PIK3C2G: variants seen among roughly 807,000 people sequenced by gnomAD.
PIK3C2G encodes phosphatidylinositol 3-kinase C2 domain-containing subunit gamma.
In PIK3C2G, 168 loss-of-function variants were observed where a neutral mutation model predicts 181.1. That is an observed-to-expected ratio of 0.93 (90% CI 0.82 to 1.05). The LOEUF is 1.05. PIK3C2G is among the 50% of genes least tolerant of loss of function. The pLI is 0.00. For synonymous variants in PIK3C2G, 573 were observed against 592.2 expected, an observed-to-expected ratio of 0.97 and a Z score of 0.47; for missense variants, 1,869 against 1,732.8, an observed-to-expected ratio of 1.08 and a Z score of -1.40.
At chr12:18,454,021 G>A (rs560569520) in intron 18 of PIK3C2G, among the ~76,000 whole-genome samples, 48 of 152,170 alleles carry the variant, frequency 3.2e-4, no homozygotes, top group Non-Finnish European at 5.6e-4. Context: ...TCTGATACAC[G>A]TCTTCTTTTC....
chr12:18,549,294 A>C (rs1944604884), intron 26 of PIK3C2G, among the ~76,000 whole-genome samples: 1 of 152,086 alleles, frequency 6.6e-6, no homozygotes, highest in South Asian at 2.1e-4. Flanking sequence ...TGTATTCCCA[A>C]TTCTAAGAAT....
chr12:18,286,475 C>T (rs1450517401), intron 2 of PIK3C2G, among the ~76,000 whole-genome samples: 1 of 151,918 alleles, frequency 6.6e-6, no homozygotes, highest in Admixed American at 6.6e-5. Flanking sequence ...ACATGTGTAT[C>T]ATTACATAGA....
intron 5 of PIK3C2G, among the ~76,000 whole-genome samples, chr12:18,312,447 T>C (rs538516582): frequency 3.5e-4 from 54 of 152,116 alleles, no homozygotes; most frequent in South Asian, 1.2e-3. Context: ...TCACCTCCCA[T>C]AGCAGGAACA....
downstream of PIK3C2G, among the ~76,000 whole-genome samples, chr12:18,651,516 TG>T (rs1950517248): frequency 6.6e-6 from 1 of 152,206 alleles, no homozygotes; most frequent in Non-Finnish European, 1.5e-5. Context: ...TTTAGTTCAC[TG>T]ACAGTAGAGA....
chr12:18,684,852 G>A, the PIK3C2G span, among the ~76,000 whole-genome samples: 2 of 151,936 alleles, frequency 1.3e-5, no homozygotes, highest in Non-Finnish European at 2.9e-5. Context: ...ATTATAGGGG[G>A]CTGTTCTCAT....
chr12:18,574,123 A>T (rs1330598111), intron 29 of PIK3C2G, among the ~76,000 whole-genome samples: 1 of 152,224 alleles, frequency 6.6e-6, no homozygotes, highest in Non-Finnish European at 1.5e-5. Context: ...CTTATTTGAG[A>T]TGAATGCTAC....
chr12:18,702,818 C>CT, the PIK3C2G span, among the ~76,000 whole-genome samples: 84,559 of 116,096 alleles, frequency 0.73, 32,838 homozygotes, highest in South Asian at 0.89. Context: ...GATAAAGTAA[C>CT]TTTTTTTTTT....
At chr12:18,679,765 G>A in the PIK3C2G span, among the ~76,000 whole-genome samples, 1 of 151,962 alleles carries the variant, frequency 6.6e-6, no homozygotes, top group African/African-American at 2.4e-5. Context: ...AAGTGTGAAA[G>A]TTAAATTATG....
intron 29 of PIK3C2G, among the ~76,000 whole-genome samples, chr12:18,590,930 G>A (rs1424229013): frequency 6.6e-6 from 1 of 151,878 alleles, no homozygotes; most frequent in Non-Finnish European, 1.5e-5. Flanking sequence ...TTAGCTAGTA[G>A]TGACATTTCA....
chr12:18,389,469 C>G (rs1446425156), intron 14 of PIK3C2G, among the ~76,000 whole-genome samples: 1 of 152,116 alleles, frequency 6.6e-6, no homozygotes, highest in Admixed American at 6.6e-5. Context: ...TGAAGCGCAG[C>G]TTTGGGGTGC....
chr12:18,608,757 T>A (rs1353441660), intron 30 of PIK3C2G, among the ~76,000 whole-genome samples: 1 of 152,006 alleles, frequency 6.6e-6, no homozygotes, highest in Non-Finnish European at 1.5e-5. Flanking sequence ...TAATAAGAAG[T>A]TACAATACAA....
intron 18 of PIK3C2G, among the ~76,000 whole-genome samples, chr12:18,428,314 T>G (rs1042778641): frequency 2.0e-5 from 3 of 150,626 alleles, no homozygotes; most frequent in African/African-American, 7.3e-5. Flanking sequence ...AAAATATCTT[T>G]CCTTAAAAAA....
intron 19 of PIK3C2G, 37 bp from the exon 20 acceptor site, chr12:18,491,414 C>T (rs769979336): frequency 1.8e-6 from 2 of 1,087,104 alleles, no homozygotes; most frequent in East Asian, 4.7e-5. Context: ...AAGTTCTTTA[C>T]ATTTTCTTAA....
the PIK3C2G span, among the ~76,000 whole-genome samples, chr12:18,686,499 T>C: frequency 6.6e-6 from 1 of 151,400 alleles, no homozygotes; most frequent in Non-Finnish European, 1.5e-5. Context: ...GTTTTCTTCA[T>C]ATTTTAGGAC....
chr12:18,517,828 T>A (rs1470267494), intron 24 of PIK3C2G, among the ~76,000 whole-genome samples: 1 of 152,206 alleles, frequency 6.6e-6, no homozygotes, highest in African/African-American at 2.4e-5. Flanking sequence ...AAGGGAATGC[T>A]TCCAGCTTTT....
chr12:18,405,929 A>C (rs910373959), intron 16 of PIK3C2G, among the ~76,000 whole-genome samples: 3 of 152,150 alleles, frequency 2.0e-5, no homozygotes, highest in African/African-American at 4.8e-5. Context: ...TATATGATAC[A>C]TTGTTATTAA....
At chr12:18,694,466 T>TA in the PIK3C2G span, among the ~76,000 whole-genome samples, 1 of 151,950 alleles carries the variant, frequency 6.6e-6, no homozygotes, top group African/African-American at 2.4e-5. Context: ...TTCACAGACA[T>TA]ATGGGGGGAA....
chr12:18,454,798 G>C (rs755825699), intron 18 of PIK3C2G, among the ~76,000 whole-genome samples: 21 of 152,102 alleles, frequency 1.4e-4, no homozygotes, highest in Non-Finnish European at 4.4e-5. Flanking sequence ...TTAATTTGAA[G>C]ATAGAACTGA....
the PIK3C2G span, among the ~76,000 whole-genome samples, chr12:18,684,518 C>G: frequency 6.6e-6 from 1 of 152,086 alleles, no homozygotes; most frequent in African/African-American, 2.4e-5. Context: ...CTGATAACCA[C>G]CCCATCAGGG....
Sources: allele counts gnomAD v4.1 joint callset (sites outside exome capture counted in the v4.1 genomes callset), GRCh38; gene constraint gnomAD v4.1.1; transcripts MANE v1.5; gene names NCBI Gene and HGNC (gene_info 2026-07-23, HGNC 2026-07-21).